ZNF469: variants seen among roughly 807,000 people sequenced by gnomAD.
ZNF469 encodes the protein zinc finger protein 469.
A neutral mutation model predicts 1.0 loss-of-function variants in ZNF469; 1 was observed. That is an observed-to-expected ratio of 1.00 (90% confidence interval 0.35 to 4.73). The LOEUF (loss-of-function observed/expected upper bound fraction) is 4.73. ZNF469 is among the 30% of genes most tolerant of loss of function. The pLI is 0.16. For synonymous variants in ZNF469, 2,703 were observed against 2,363.4 expected, an observed-to-expected ratio of 1.14 and a Z score of -4.17; for missense variants, 6,100 against 5,356.3, an observed-to-expected ratio of 1.14 and a Z score of -4.33.
chr16:88,148,247 C>T, the ZNF469 span, among the ~76,000 whole-genome samples: 4 of 152,150 alleles, frequency 2.6e-5, no homozygotes, highest in African/African-American at 9.7e-5. Flanking sequence ...TGTTTTGCTC[C>T]TTCAGAGACT....
chr16:88,160,405 G>A, the ZNF469 span, among the ~76,000 whole-genome samples: 6 of 152,252 alleles, frequency 3.9e-5, no homozygotes, highest in South Asian at 8.3e-4. Flanking sequence ...CATTTTTAAT[G>A]AGGTATTGCT....
At position 88,437,626 on chromosome 16, in the gene ZNF469, G is replaced by C. The variant is rs1193577545; in HGVS notation, c.10156G>C (p.Gly3386Arg). 5.8e-6 allele frequency: 9 copies of C among 1,540,618 alleles called. No individual in the cohort carries two copies. In the Admixed American group the frequency reaches 1.8e-4, roughly 30 times the overall value. The change falls in exon 3 of 3, where the codon GGG becomes CGG. Residue 3386 changes from glycine (G) to arginine (R), a missense_variant. Coordinates refer to ENST00000565624, the MANE Select transcript of ZNF469 (RefSeq NM_001367624.2). ...CGGGGAGCTGCTGGCACACCTGGGCGGGGCGCACGGGCTGCTGGAGCGGCC... is the reference window on the plus strand; with the variant it reads ...CGGGGAGCTGCTGGCACACCTGGGCCGGGCGCACGGGCTGCTGGAGCGGCC... The part of the protein sequence containing the change: ...EHGELLAHLG[G>R]AHGLLERPEL...
At chr16:88,180,853 A>T in the ZNF469 span, among the ~76,000 whole-genome samples, 1 of 152,242 alleles carries the variant, frequency 6.6e-6, no homozygotes, top group Non-Finnish European at 1.5e-5. Context: ...TGCACCTAAC[A>T]GCGGAATTTC....
Position 88,437,431 on chromosome 16 carries a change from C to A in ZNF469, c.9961C>A (p.Pro3321Thr). The change falls in exon 3 of 3, where the codon CCC becomes ACC. Residue 3321 changes from proline (P) to threonine (T), a missense_variant. Pro to Thr is a conservative substitution (Grantham distance 38). Coordinates refer to ENST00000565624, the MANE Select transcript of ZNF469 (RefSeq NM_001367624.2). ...CCCCGACCCCTGGGCCGGCGGGGAG[C>A]CCCTCCTGCAAGCCACCCCGGTGCA... Reference protein sequence around the residue: ...PSPDPWAGGEPLLQATPVHEA... With the variant: ...PSPDPWAGGETLLQATPVHEA... 4.6e-6 allele frequency: 7 copies of A among 1,521,350 alleles called. No individual in the cohort carries two copies. The highest frequency in any genetic ancestry group is 3.5e-6 in the Non-Finnish European group (4 of 1,130,998). 94.2% of individuals were successfully genotyped at this position (1,521,350 alleles called of 1,614,324 possible). A position where few individuals can be genotyped will look rare whatever the true frequency, so the allele number is the denominator to read the frequency against.
the ZNF469 span, among the ~76,000 whole-genome samples, chr16:88,220,489 C>G: frequency 6.6e-6 from 1 of 152,066 alleles, no homozygotes; most frequent in Non-Finnish European, 1.5e-5. Flanking sequence ...AGCCAGGTGA[C>G]AGAATGCCAC....
the ZNF469 span, among the ~76,000 whole-genome samples, chr16:88,298,823 T>G: frequency 6.6e-6 from 1 of 152,268 alleles, no homozygotes; most frequent in East Asian, 1.9e-4. Context: ...CTTCCATCTT[T>G]GAAGCCAAAA....
chr16:88,396,894 T>TGGAGACCCTCCTGAAGGGAGGCCGGGA (rs1567500179), intron 1 of ZNF469, among the ~76,000 whole-genome samples: 55 of 66,936 alleles, frequency 8.2e-4, no homozygotes, highest in Admixed American at 2.5e-3. Context: ...GGAGGCCGGG[T>TGGAGACCCTCCTGAAGGGAGGCCGGGA]GGAGACCCTC....
the ZNF469 span, among the ~76,000 whole-genome samples, chr16:88,155,551 G>A: frequency 5.9e-5 from 9 of 152,280 alleles, 1 homozygote; most frequent in East Asian, 1.5e-3. Context: ...TCACAGAACC[G>A]GGATCACACA....
At chr16:88,223,050 T>G in the ZNF469 span, among the ~76,000 whole-genome samples, 121 of 152,346 alleles carry the variant, frequency 7.9e-4, no homozygotes, top group African/African-American at 2.8e-3. Flanking sequence ...AGCATGATGA[T>G]GTTCCCAGCA....
At chr16:88,187,576 G>C in the ZNF469 span, among the ~76,000 whole-genome samples, 1 of 151,822 alleles carries the variant, frequency 6.6e-6, no homozygotes, top group African/African-American at 2.4e-5. Flanking sequence ...TATTTAGGTT[G>C]TTTTTTTCTT....
rs1326333744 is a variant in ZNF469 at position 88,431,175 on chromosome 16, C to T, written c.3705C>T (p.Ala1235=). ...AKEPETAEES[A]PDSTEFTEAL... is the part of the protein sequence containing the mutation. ...AGCCTGAAACTGCCGAAGAGTCAGC[C>T]CCGGACAGCACAGAATTCACAGAGG... The change falls in exon 3 of 3, where the codon GCC becomes GCT. Residue 1235 remains alanine (A), a synonymous_variant. Coordinates refer to ENST00000565624, the MANE Select transcript of ZNF469 (RefSeq NM_001367624.2). The T allele has an allele frequency of 6.5e-7, 1 of 1,550,338 alleles. No homozygotes were observed. Among genetic ancestry groups the T allele is most frequent in the Admixed American group, 2.0e-5 (1 of 51,010 alleles).
the ZNF469 span, among the ~76,000 whole-genome samples, chr16:88,244,435 A>G: frequency 8.8e-5 from 9 of 101,826 alleles, no homozygotes; most frequent in African/African-American, 3.0e-4. Context: ...ATGGATGGAT[A>G]GGTGGATAGA....
At chr16:88,242,841 G>A in the ZNF469 span, among the ~76,000 whole-genome samples, 1 of 152,240 alleles carries the variant, frequency 6.6e-6, no homozygotes, top group East Asian at 1.9e-4. Context: ...AACCCAAGGA[G>A]CAGCAGCCTG....
At chr16:88,367,525 A>G in the ZNF469 span, among the ~76,000 whole-genome samples, 1 of 152,230 alleles carries the variant, frequency 6.6e-6, no homozygotes, top group Non-Finnish European at 1.5e-5. Flanking sequence ...AGACACAGAG[A>G]CAGCTTTGAG....
At chr16:88,188,926 G>A in the ZNF469 span, among the ~76,000 whole-genome samples, 2 of 151,992 alleles carry the variant, frequency 1.3e-5, no homozygotes, top group South Asian at 4.2e-4. Context: ...CTGCACGTAG[G>A]AGGCACCTCA....
the ZNF469 span, among the ~76,000 whole-genome samples, chr16:88,350,674 G>C: frequency 6.6e-6 from 1 of 152,228 alleles, no homozygotes; most frequent in African/African-American, 2.4e-5. Flanking sequence ...GAAGATCCCA[G>C]GGCTCCTGAT....
At chr16:88,421,999 G>T (rs925555587) in intron 1 of ZNF469, among the ~76,000 whole-genome samples, 6 of 150,788 alleles carry the variant, frequency 4.0e-5, no homozygotes, top group African/African-American at 1.5e-4. Context: ...AGATTAGAGG[G>T]GATGGGCAGG....
At chr16:88,130,121 A>G in the ZNF469 span, among the ~76,000 whole-genome samples, 1 of 152,184 alleles carries the variant, frequency 6.6e-6, no homozygotes, top group African/African-American at 2.4e-5. Context: ...GACCATTACC[A>G]TCGGGCGCTG....
chr16:88,161,020 A>G, the ZNF469 span, among the ~76,000 whole-genome samples: 1 of 151,958 alleles, frequency 6.6e-6, no homozygotes, highest in African/African-American at 2.4e-5. Context: ...AAAATATAAA[A>G]TTTAGTGGCA....
Sources: allele counts gnomAD v4.1 joint callset (sites outside exome capture counted in the v4.1 genomes callset), GRCh38; gene constraint gnomAD v4.1.1; transcripts MANE v1.5; gene names NCBI Gene and HGNC (gene_info 2026-07-23, HGNC 2026-07-21).